Variants in UNC5D observed in about 807,000 individuals in gnomAD.
UNC5D encodes unc-5 netrin receptor D, also known as netrin receptor UNC5D.
In UNC5D, 39 loss-of-function variants were observed where a neutral mutation model predicts 105.4. The ratio of observed to expected loss-of-function variants is 0.37; its 90% confidence interval spans 0.29 to 0.48. UNC5D has a LOEUF of 0.48. Among genes scored for constraint, UNC5D ranks in the 20% least tolerant of loss-of-function variants. The pLI is 0.98. For missense variants in UNC5D, 991 were observed against 1,202.4 expected (o/e 0.82, Z 2.60); for synonymous variants, 452 against 450.4 (o/e 1.00, Z -0.04).
chr8:35,657,080 G>GTGTGTGTATA (rs1281641556), intron 4 of UNC5D, among the ~76,000 whole-genome samples: 20 of 46,510 alleles, frequency 4.3e-4, no homozygotes, highest in African/African-American at 1.6e-3. Context: ...GTGTGTGTGT[G>GTGTGTGTATA]TATATATATA....
At chr8:35,381,191 A>T (rs550580129) in intron 1 of UNC5D, among the ~76,000 whole-genome samples, 19 of 152,322 alleles carry the variant, frequency 1.2e-4, no homozygotes, top group Non-Finnish European at 2.2e-4. Flanking sequence ...GTTCCAAATG[A>T]ATGGAAGAGA....
chr8:35,287,389 T>C (rs1281493292), intron 1 of UNC5D, among the ~76,000 whole-genome samples: 3 of 151,938 alleles, frequency 2.0e-5, no homozygotes, highest in Admixed American at 1.3e-4. Context: ...TAGAAAACAG[T>C]TTATAAACAA....
intron 1 of UNC5D, among the ~76,000 whole-genome samples, chr8:35,422,002 G>T (rs1203892355): frequency 6.6e-6 from 1 of 152,182 alleles, no homozygotes; most frequent in African/African-American, 2.4e-5. Context: ...TCCATTAAGA[G>T]AATCTTTTTT....
chr8:35,539,195 A>T (rs1180427374), intron 1 of UNC5D, among the ~76,000 whole-genome samples: 1 of 152,182 alleles, frequency 6.6e-6, no homozygotes, highest in African/African-American at 2.4e-5. Context: ...AGAAACAGAT[A>T]CTAGAATGAA....
chr8:35,693,964 T>C (rs1826583592), intron 7 of UNC5D, among the ~76,000 whole-genome samples: 1 of 152,026 alleles, frequency 6.6e-6, no homozygotes, highest in African/African-American at 2.4e-5. Flanking sequence ...GCAGGATGCA[T>C]GTACCTCAAG....
chr8:35,489,009 A>AT (rs1319148906), intron 1 of UNC5D, among the ~76,000 whole-genome samples: 4,720 of 143,106 alleles, frequency 0.033, 211 homozygotes, highest in African/African-American at 0.1. Flanking sequence ...TCTCCCCCCA[A>AT]TTTTTTTTTT....
At chr8:35,676,162 T>G (rs1322534833) in intron 4 of UNC5D, among the ~76,000 whole-genome samples, 1 of 152,170 alleles carries the variant, frequency 6.6e-6, no homozygotes, top group Non-Finnish European at 1.5e-5. Context: ...ACCTGCTGTC[T>G]GGCATGAAAT....
rs150507590 is a variant in UNC5D, at chr8:35,500,915, G to T, written c.104-48377G>T. On this transcript the variant is annotated intron_variant, in intron 1 of 16. Coordinates refer to ENST00000404895, the MANE Select transcript of UNC5D (RefSeq NM_080872.4). ...TAAGATCCAAAACCTTTCTAATAGG[G>T]GTTTGGAAATTGTTAAAATTCAAAG... 2.0e-5 allele frequency among the ~76,000 whole-genome samples: 3 copies of T among 151,992 alleles called. No homozygotes were observed. The East Asian group carries it at 5.8e-4, about 30-fold the overall frequency.
At chr8:35,600,675 G>A (rs1819805384) in intron 4 of UNC5D, among the ~76,000 whole-genome samples, 1 of 152,108 alleles carries the variant, frequency 6.6e-6, no homozygotes, top group Admixed American at 6.6e-5. Flanking sequence ...ATTTCTTTGA[G>A]TTCATTGTAG....
intron 1 of UNC5D, among the ~76,000 whole-genome samples, chr8:35,336,032 G>A (rs1811010049): frequency 6.6e-6 from 1 of 151,856 alleles, no homozygotes; most frequent in Non-Finnish European, 1.5e-5. Flanking sequence ...CAAAGTGTTG[G>A]GATTGCAGGC....
intron 1 of UNC5D, among the ~76,000 whole-genome samples, chr8:35,259,593 C>T (rs181164318): frequency 2.6e-5 from 4 of 152,232 alleles, no homozygotes; most frequent in Non-Finnish European, 5.9e-5. Context: ...ACACTTTAGT[C>T]AGACTGATTT....
At chr8:35,731,175 GATC>G (rs1246819514) in intron 11 of UNC5D, 79 bp downstream of exon 11, 26 of 1,368,348 alleles carry the variant, frequency 1.9e-5, no homozygotes, top group Non-Finnish European at 2.6e-5. Context: ...GAGGCAGGCA[GATC>G]ACTTGAGGTC....
intron 7 of UNC5D, among the ~76,000 whole-genome samples, chr8:35,698,318 A>C (rs2131407223): frequency 6.6e-6 from 1 of 150,996 alleles, no homozygotes; most frequent in South Asian, 2.1e-4. Context: ...ACAGTACAAT[A>C]TTGTTAACAG....
At chr8:35,706,451 A>C (rs565002295) in intron 8 of UNC5D, among the ~76,000 whole-genome samples, 2 of 152,112 alleles carry the variant, frequency 1.3e-5, no homozygotes, top group South Asian at 4.2e-4. Flanking sequence ...GGCTCGTTGT[A>C]CCCAGGCTTG....
chr8:35,558,683 A>G (rs1413926287), intron 2 of UNC5D, among the ~76,000 whole-genome samples: 1 of 152,152 alleles, frequency 6.6e-6, no homozygotes, highest in Admixed American at 6.5e-5. Flanking sequence ...CTTGAATATA[A>G]GAGAATATTG....
At chr8:35,754,807 A>G (rs1182189092) in intron 13 of UNC5D, among the ~76,000 whole-genome samples, 1 of 152,194 alleles carries the variant, frequency 6.6e-6, no homozygotes, top group Non-Finnish European at 1.5e-5. Context: ...CTTGACAAAA[A>G]CAAAATACTT....
chr8:35,314,352 G>A (rs1809121271), intron 1 of UNC5D, among the ~76,000 whole-genome samples: 1 of 151,956 alleles, frequency 6.6e-6, no homozygotes, highest in Non-Finnish European at 1.5e-5. Context: ...CTCAAGTATA[G>A]GGGGTCTTTC....
intron 16 of UNC5D, 101 bp from the exon 17 acceptor site, chr8:35,790,258 C>A: frequency 7.9e-7 from 1 of 1,269,874 alleles, no homozygotes; most frequent in Non-Finnish European, 1.1e-6. Context: ...ACTATAATAA[C>A]ATCTATTAAA....
intron 1 of UNC5D, among the ~76,000 whole-genome samples, chr8:35,530,859 G>A: frequency 7.0e-6 from 1 of 142,714 alleles, no homozygotes; most frequent in African/African-American, 2.8e-5. Context: ...ATTCTCTGAT[G>A]GTAGTTTGTA....
Sources: allele counts gnomAD v4.1 joint callset (sites outside exome capture counted in the v4.1 genomes callset), GRCh38; gene constraint gnomAD v4.1.1; transcripts MANE v1.5; gene names NCBI Gene and HGNC (gene_info 2026-07-23, HGNC 2026-07-21).